SYNPR: variants seen among roughly 807,000 people sequenced by gnomAD.
The protein encoded by SYNPR is synaptoporin.
SYNPR carries 23 observed loss-of-function variants against 32.9 expected under a neutral mutation model. The ratio of observed to expected loss-of-function variants is 0.70; its 90% CI spans 0.50 to 0.99. SYNPR has a LOEUF of 0.99. Ranked by LOEUF, SYNPR falls within the 50% of genes least tolerant of loss-of-function variation. SYNPR has a pLI of 0.00. For synonymous variants in SYNPR, 146 were observed against 135.9 expected, an observed-to-expected ratio of 1.07 and a Z score of -0.52; for missense variants, 318 against 349.3, an observed-to-expected ratio of 0.91 and a Z score of 0.71.
chr3:63,339,276 C>T lies in SYNPR; in HGVS notation c.84+60534C>T, dbSNP rs377523796. On this transcript the variant is annotated intron_variant, in intron 2 of 5. Transcript: ENST00000478300. ...AACAAAGAGAGGCAACATCTCTGCT[C>T]ACATGGTACTTGCATTCTGCTGGAA... Among the ~76,000 whole-genome samples the T allele has an allele frequency of 4.6e-5, 7 of 152,312 alleles. 1 individual carries two copies. The highest frequency in any genetic ancestry group is 1.7e-4 in the African/African-American group (7 of 41,572).
At chr3:63,276,620 T>TCCCCCCCCCCCCCC (rs11398109), upstream of SYNPR, among the ~76,000 whole-genome samples, 9 of 142,032 alleles carry the variant, frequency 6.3e-5, no homozygotes, top group South Asian at 2.3e-4. Context: ...TAGTGTTAGT[T>TCCCCCCCCCCCCCC]CCCCCCACCC....
At chr3:63,392,244 G>C (rs1335892994) in intron 2 of SYNPR, among the ~76,000 whole-genome samples, 1 of 152,166 alleles carries the variant, frequency 6.6e-6, no homozygotes, top group Non-Finnish European at 1.5e-5. Context: ...ATTCCAGGCA[G>C]TAAGAGTGAG....
At chr3:63,349,979 T>G (rs2087484526) in intron 2 of SYNPR, among the ~76,000 whole-genome samples, 1 of 152,222 alleles carries the variant, frequency 6.6e-6, no homozygotes, top group South Asian at 2.1e-4. Flanking sequence ...TAAATATAAC[T>G]TTTCTTAATA....
chr3:63,258,535 C>T (rs1462894679), intron 2 of SYNPR, among the ~76,000 whole-genome samples: 4 of 152,126 alleles, frequency 2.6e-5, no homozygotes, highest in Non-Finnish European at 5.9e-5. Flanking sequence ...AGAACAAAGA[C>T]ACAACATACC....
At chr3:63,269,396 G>A (rs1325902868) in intron 3 of SYNPR, among the ~76,000 whole-genome samples, 2 of 152,018 alleles carry the variant, frequency 1.3e-5, no homozygotes, top group Non-Finnish European at 2.9e-5. Flanking sequence ...GGCTGAGGCA[G>A]GAGAATCACT....
chr3:63,209,698 C>T, the SYNPR span, among the ~76,000 whole-genome samples: 3 of 152,156 alleles, frequency 2.0e-5, no homozygotes, highest in Non-Finnish European at 2.9e-5. Context: ...TTCCTTAACC[C>T]TCACATATGG....
chr3:63,217,467 AT>A, the SYNPR span, among the ~76,000 whole-genome samples: 1 of 57,622 alleles, frequency 1.7e-5, no homozygotes, highest in Admixed American at 1.9e-4. Flanking sequence ...GAGTGACCCG[AT>A]TTTCCAGGTG....
intron 3 of SYNPR, among the ~76,000 whole-genome samples, chr3:63,534,577 C>G (rs189647544): frequency 6.6e-6 from 1 of 152,110 alleles, no homozygotes; most frequent in African/African-American, 2.4e-5. Flanking sequence ...TTATAAGAAC[C>G]TGTCAGTACA....
chr3:63,539,086 CCTT>C (rs1315813146), intron 3 of SYNPR, among the ~76,000 whole-genome samples: 2 of 151,998 alleles, frequency 1.3e-5, no homozygotes, highest in African/African-American at 4.8e-5. Flanking sequence ...TTCTTTCTTC[CCTT>C]CTTCTGCTTT....
At chr3:63,503,745 A>G (rs1364538889) in intron 3 of SYNPR, among the ~76,000 whole-genome samples, 4 of 152,072 alleles carry the variant, frequency 2.6e-5, no homozygotes, top group East Asian at 1.9e-4. Context: ...TAGAAGAGTA[A>G]CAGTACCTCC....
At chr3:63,221,036 T>G in the SYNPR span, among the ~76,000 whole-genome samples, 1 of 152,192 alleles carries the variant, frequency 6.6e-6, no homozygotes, top group African/African-American at 2.4e-5. Flanking sequence ...CTGATTTGAT[T>G]GATAGGAGCA....
chr3:63,295,531 G>C (rs2086785093), intron 2 of SYNPR, among the ~76,000 whole-genome samples: 1 of 152,182 alleles, frequency 6.6e-6, no homozygotes, highest in South Asian at 2.1e-4. Flanking sequence ...TCAAGAGCCA[G>C]TACTTGGCAG....
At chr3:63,205,183 T>G in the SYNPR span, among the ~76,000 whole-genome samples, 13 of 152,340 alleles carry the variant, frequency 8.5e-5, no homozygotes, top group African/African-American at 3.1e-4. Context: ...CTTTCTCACC[T>G]TCCTTTTTCA....
At chr3:63,584,898 T>A (rs1294325836) in intron 4 of SYNPR, among the ~76,000 whole-genome samples, 5 of 152,050 alleles carry the variant, frequency 3.3e-5, no homozygotes, top group Non-Finnish European at 7.4e-5. Context: ...AGCACTGGCA[T>A]CTCTTGGAAG....
intron 2 of SYNPR, among the ~76,000 whole-genome samples, chr3:63,387,338 G>A (rs776260435): frequency 3.9e-5 from 6 of 152,096 alleles, no homozygotes; most frequent in Non-Finnish European, 7.4e-5. Flanking sequence ...AGAAGGGAGG[G>A]TAAAAATCTG....
chr3:63,334,686 T>C (rs1291357808), intron 2 of SYNPR, among the ~76,000 whole-genome samples: 1 of 152,188 alleles, frequency 6.6e-6, no homozygotes, highest in Non-Finnish European at 1.5e-5. Context: ...GGGTATCTTT[T>C]GAATCTTGGG....
At chr3:63,514,321 G>T (rs1303737193) in intron 3 of SYNPR, among the ~76,000 whole-genome samples, 1 of 152,200 alleles carries the variant, frequency 6.6e-6, no homozygotes, top group Non-Finnish European at 1.5e-5. Flanking sequence ...TGTCTTCAGG[G>T]TGAGTAACGT....
At chr3:63,481,445 ATATATATGTG>A (rs1200010079) in intron 3 of SYNPR, among the ~76,000 whole-genome samples, 3 of 134,336 alleles carry the variant, frequency 2.2e-5, no homozygotes, top group Non-Finnish European at 4.7e-5. Context: ...GTATATATAT[ATATATATGTG>A]TGTGTGTGTG....
intron 2 of SYNPR, chr3:63,452,122 ATGTT>A (rs1340574783): frequency 7.1e-6 from 5 of 701,870 alleles, no homozygotes; most frequent in Non-Finnish European, 1.0e-5. Flanking sequence ...AAAGGCAAGA[ATGTT>A]TTCTTATTTG....
Sources: gnomAD v4.1 joint callset for allele counts (sites outside exome capture counted in the v4.1 genomes callset) on GRCh38, gnomAD v4.1.1 for gene constraint, MANE v1.5 for transcripts, NCBI Gene and HGNC (gene_info 2026-07-23, HGNC 2026-07-21) for gene names.